Variants in TBC1D32 observed in about 807,000 individuals in gnomAD.
The protein encoded by TBC1D32 is TBC1 domain family member 32, also known as protein broad-minded.
A neutral mutation model predicts 170.3 loss-of-function variants in TBC1D32; 151 were observed. The ratio of observed to expected loss-of-function variants is 0.89; its 90% CI spans 0.78 to 1.01. The LOEUF (loss-of-function observed/expected upper bound fraction) is 1.01. Among genes scored for constraint, TBC1D32 ranks in the 50% least tolerant of loss-of-function variants. The probability of loss-of-function intolerance (pLI) is 0.00; values close to 1 mark genes in which losing one functional copy is unlikely to be tolerated. For missense variants in TBC1D32, 1,464 were observed against 1,457.1 expected (o/e 1.00, Z -0.08); for synonymous variants, 498 against 488.0 (o/e 1.02, Z -0.27).
At chr6:121,271,883 A>G (rs960001188) in intron 15 of TBC1D32, among the ~76,000 whole-genome samples, 7 of 152,294 alleles carry the variant, frequency 4.6e-5, no homozygotes, top group Admixed American at 3.3e-4. Flanking sequence ...TAACCAAAAC[A>G]GCATGGTACT....
At position 121,080,266 on chromosome 6, in the gene TBC1D32, G is replaced by A. The variant is rs899502867; in HGVS notation, c.*505C>T. 5.1e-5 allele frequency: 9 copies of A among 175,480 alleles called. No individual in the cohort carries two copies. Among genetic ancestry groups the A allele is most frequent in the Non-Finnish European group, 8.2e-5 (7 of 85,510 alleles). 10.9% of individuals were successfully genotyped at this position (175,480 alleles called of 1,614,324 possible). A position where few individuals can be genotyped will look rare whatever the true frequency, so the allele number is the denominator to read the frequency against. On this transcript the variant is annotated 3_prime_UTR_variant, in exon 32 of 32. Coordinates refer to ENST00000398212, the MANE Select transcript of TBC1D32 (RefSeq NM_152730.6). ...CAGAGTCTCACTCTGTGGCCTGGCT[G>A]GAGTACAGTGGCACAATCTTGGCTC...
intron 22 of TBC1D32, among the ~76,000 whole-genome samples, chr6:121,188,123 C>A (rs1315687658): frequency 6.6e-6 from 1 of 151,966 alleles, no homozygotes; most frequent in African/African-American, 2.4e-5. Context: ...TTTTAAAAAA[C>A]AAAACAAAAC....
chr6:121,115,267 T>C lies in TBC1D32; in HGVS notation c.2984-26A>G, dbSNP rs375824252. The C allele has an allele frequency of 3.3e-6, 5 of 1,493,026 alleles. No individual in the cohort carries two copies. The African/African-American group carries it at 4.2e-5, about 13-fold the overall frequency. 92.5% of individuals were successfully genotyped at this position (1,493,026 alleles called of 1,614,324 possible). A position where few individuals can be genotyped will look rare whatever the true frequency, so the allele number is the denominator to read the frequency against. ...CTAAAGACAACAGAAAACTGAGTTA[T>C]AAAGTGCAGAAAAGTTTGCATAATA... On this transcript the variant is annotated intron_variant, in intron 26 of 31. Transcript: ENST00000398212.
intron 22 of TBC1D32, among the ~76,000 whole-genome samples, chr6:121,185,530 T>C (rs921376033): frequency 1.3e-5 from 2 of 152,140 alleles, no homozygotes; most frequent in Non-Finnish European, 2.9e-5. Flanking sequence ...TTATCAGAGA[T>C]GATCTGACTA....
chr6:121,256,679 T>C (rs558296426), intron 15 of TBC1D32, among the ~76,000 whole-genome samples: 1 of 142,478 alleles, frequency 7.0e-6, no homozygotes, highest in South Asian at 2.1e-4. Context: ...GAAACTTTTT[T>C]TTTTCTTTTT....
At chr6:121,256,005 C>T in intron 16 of TBC1D32, 79 bp downstream of exon 16, 2 of 1,255,288 alleles carry the variant, frequency 1.6e-6, no homozygotes, top group Non-Finnish European at 2.2e-6. Context: ...ATATTTCATC[C>T]AAAGTACAAC....
intron 15 of TBC1D32, among the ~76,000 whole-genome samples, chr6:121,272,093 T>A (rs1208455653): frequency 6.6e-6 from 1 of 152,132 alleles, no homozygotes; most frequent in African/African-American, 2.4e-5. Flanking sequence ...TCACACCTTA[T>A]ACAAAAATTA....
At chr6:121,188,561 A>G (rs1017945219) in intron 22 of TBC1D32, among the ~76,000 whole-genome samples, 1 of 152,082 alleles carries the variant, frequency 6.6e-6, no homozygotes, top group African/African-American at 2.4e-5. Flanking sequence ...ATGAAGGCTG[A>G]AAGTTAAACA....
chr6:121,173,856 C>T (rs1490268115), intron 22 of TBC1D32, among the ~76,000 whole-genome samples: 2 of 151,466 alleles, frequency 1.3e-5, no homozygotes, highest in Admixed American at 1.3e-4. Context: ...CTACAAACAG[C>T]TGCTGTGAAA....
At chr6:121,102,847 A>G (rs1424397198) in intron 30 of TBC1D32, among the ~76,000 whole-genome samples, 2 of 152,176 alleles carry the variant, frequency 1.3e-5, no homozygotes, top group Admixed American at 6.6e-5. Context: ...TCATCTGACA[A>G]AGGGCTAATA....
chr6:121,312,199 G>T (rs563175824), intron 3 of TBC1D32, among the ~76,000 whole-genome samples: 42 of 152,212 alleles, frequency 2.8e-4, no homozygotes, highest in African/African-American at 1.0e-3. Context: ...GTCAGGGAAT[G>T]AGGGGCAAGG....
intron 29 of TBC1D32, among the ~76,000 whole-genome samples, chr6:121,111,793 T>A (rs1176193567): frequency 6.6e-6 from 1 of 152,192 alleles, no homozygotes; most frequent in Non-Finnish European, 1.5e-5. Flanking sequence ...TCCACATAGA[T>A]ACTTGCCAAT....
At chr6:121,124,678 G>T (rs544157733) in intron 26 of TBC1D32, among the ~76,000 whole-genome samples, 2 of 151,452 alleles carry the variant, frequency 1.3e-5, no homozygotes, top group Non-Finnish European at 2.9e-5. Flanking sequence ...TTGTTTTTTT[G>T]ATGTTGTTAT....
chr6:121,197,889 C>T (rs941513921), intron 22 of TBC1D32, among the ~76,000 whole-genome samples: 1 of 152,074 alleles, frequency 6.6e-6, no homozygotes, highest in Non-Finnish European at 1.5e-5. Context: ...CTGAGGAAGG[C>T]AGACCCACCC....
At chr6:121,188,509 TGAAA>T (rs1382545727) in intron 22 of TBC1D32, among the ~76,000 whole-genome samples, 2 of 152,062 alleles carry the variant, frequency 1.3e-5, no homozygotes, top group African/African-American at 4.8e-5. Flanking sequence ...GGAGAGCCAA[TGAAA>T]TCTAAGTCCT....
intron 9 of TBC1D32, among the ~76,000 whole-genome samples, chr6:121,302,228 A>G (rs977383151): frequency 6.6e-6 from 1 of 152,148 alleles, no homozygotes; most frequent in African/African-American, 2.4e-5. Context: ...AGTCAAGTCC[A>G]TTCATTTACC....
chr6:121,122,252 T>C (rs1212121768), intron 26 of TBC1D32, among the ~76,000 whole-genome samples: 1 of 152,064 alleles, frequency 6.6e-6, no homozygotes. Flanking sequence ...CAGCCATTCC[T>C]GTTTTTCAAT....
At chr6:121,175,168 T>C (rs1427755126) in intron 22 of TBC1D32, among the ~76,000 whole-genome samples, 1 of 152,128 alleles carries the variant, frequency 6.6e-6, no homozygotes, top group Non-Finnish European at 1.5e-5. Context: ...TATATAAGGC[T>C]GTAGGTTAAG....
intron 10 of TBC1D32, among the ~76,000 whole-genome samples, chr6:121,295,125 A>C (rs970182879): frequency 1.3e-5 from 2 of 151,946 alleles, no homozygotes; most frequent in Non-Finnish European, 2.9e-5. Flanking sequence ...AATTCAAAGA[A>C]AAGAGTCACA....
Sources: gnomAD v4.1 joint callset for allele counts (sites outside exome capture counted in the v4.1 genomes callset) on GRCh38, gnomAD v4.1.1 for gene constraint, MANE v1.5 for transcripts, NCBI Gene and HGNC (gene_info 2026-07-23, HGNC 2026-07-21) for gene names.